Variants in SNAPC3 observed in about 807,000 individuals in gnomAD.
SNAPC3 encodes the protein snRNA-activating protein complex subunit 3.
In SNAPC3, 56 loss-of-function variants were observed where a neutral mutation model predicts 47.7. That is an observed-to-expected ratio of 1.18 (90% CI 0.95 to 1.47). SNAPC3 has a LOEUF of 1.47. Ranked by LOEUF, SNAPC3 falls within the 40% of genes most tolerant of loss-of-function variation. The pLI is 0.00. For synonymous variants in SNAPC3, 235 were observed against 189.9 expected (o/e 1.24, Z -1.95); for missense variants, 665 against 511.3 (o/e 1.30, Z -2.90).
At chr9:15,465,079 C>G (rs1223120713), downstream of SNAPC3, 1 of 227,502 alleles carries the variant, frequency 4.4e-6, no homozygotes, top group Non-Finnish European at 8.7e-6. Flanking sequence ...TGTGTAACTT[C>G]TACAAAACCC....
Position 15,461,018 on chromosome 9 carries a change from A to G in SNAPC3, c.*1152A>G, listed in dbSNP as rs757537737. The G allele has an allele frequency of 4.6e-5, 7 of 152,068 alleles. No homozygotes were observed. Among genetic ancestry groups the G allele is most frequent in the African/African-American group, 1.4e-4 (6 of 41,444 alleles). The allele number at this position is 152,068 out of a possible 1,614,324, so 9.4% of individuals were successfully genotyped here. ...TCACTTATTCTCCGGTAATGATACT[A>G]TTGGATATATACCAAAATTATATAA... On this transcript the variant is annotated 3_prime_UTR_variant, in exon 9 of 9. Coordinates refer to ENST00000380821, the MANE Select transcript of SNAPC3 (RefSeq NM_001039697.2).
intron 3 of SNAPC3, among the ~76,000 whole-genome samples, chr9:15,443,053 C>T (rs2033627644): frequency 6.6e-6 from 1 of 152,192 alleles, no homozygotes; most frequent in Admixed American, 6.5e-5. Flanking sequence ...CACCCGCAAT[C>T]CCAGGCACTC....
At chr9:15,466,531 C>G (rs2035638695), downstream of SNAPC3, among the ~76,000 whole-genome samples, 1 of 152,152 alleles carries the variant, frequency 6.6e-6, no homozygotes, top group Admixed American at 6.5e-5. Context: ...AACTGGGTTC[C>G]CAGCTAGTTC....
At chr9:15,432,204 A>G (rs1249155734) in intron 2 of SNAPC3, among the ~76,000 whole-genome samples, 1 of 152,202 alleles carries the variant, frequency 6.6e-6, no homozygotes, top group African/African-American at 2.4e-5. Flanking sequence ...GCTAAAATGA[A>G]TCCTGTGGTT....
At chr9:15,463,266 C>G (rs2035359585), downstream of SNAPC3, 1 of 125,096 alleles carries the variant, frequency 8.0e-6, no homozygotes, top group South Asian at 2.7e-4. Context: ...GCTCTGTCTC[C>G]CAGGCTGGAG....
intron 6 of SNAPC3, among the ~76,000 whole-genome samples, chr9:15,451,722 ATC>A (rs1178154799): frequency 3.9e-5 from 6 of 152,150 alleles, no homozygotes; most frequent in Non-Finnish European, 8.8e-5. Context: ...AAATAAATAA[ATC>A]ACCTTAACAT....
chr9:15,441,983 C>A (rs2033435531), intron 3 of SNAPC3, among the ~76,000 whole-genome samples: 1 of 151,690 alleles, frequency 6.6e-6, no homozygotes, highest in South Asian at 2.1e-4. Flanking sequence ...GGCAGAGGCG[C>A]CCCCCCACCT....
At chr9:15,432,357 C>T (rs949380818) in intron 2 of SNAPC3, among the ~76,000 whole-genome samples, 14 of 152,078 alleles carry the variant, frequency 9.2e-5, no homozygotes, top group Non-Finnish European at 1.5e-5. Context: ...GGCCTAGAAG[C>T]AGTGACTCCA....
intron 2 of SNAPC3, among the ~76,000 whole-genome samples, chr9:15,425,465 A>C (rs1272310083): frequency 6.6e-6 from 1 of 152,152 alleles, no homozygotes; most frequent in Non-Finnish European, 1.5e-5. Context: ...TGATCTGCCC[A>C]ACTCGTTCTC....
Position 15,447,424 on chromosome 9 carries a change from CTG to C in SNAPC3, c.732+182_732+183del, listed in dbSNP as rs529974186. Among the ~76,000 whole-genome samples, 212 of 152,276 alleles carry C rather than the reference CTG, an allele frequency of 1.4e-3. 1 individual carries two copies. The highest frequency in any genetic ancestry group is 4.8e-3 in the African/African-American group (200 of 41,554). On this transcript the variant is annotated intron_variant, in intron 5 of 8. Transcript: ENST00000380821. ...ACTTTTCCAAAGAAGAGGCTAGACT[CTG>C]TTTTGATTTCTTCATCTCTCATTTG...
chr9:15,446,999 G>A, intron 4 of SNAPC3, 96 bp from the exon 5 acceptor site: 1 of 1,058,574 alleles, frequency 9.4e-7, no homozygotes. Flanking sequence ...TTAAAATTAA[G>A]AAAACCAGCA....
intron 2 of SNAPC3, among the ~76,000 whole-genome samples, chr9:15,426,837 C>T (rs373698134): frequency 3.4e-4 from 52 of 152,126 alleles, no homozygotes; most frequent in African/African-American, 1.1e-3. Context: ...TAAATCAGTA[C>T]GGTATTCTTC....
chr9:15,439,595 C>A (rs1015863516), intron 3 of SNAPC3, among the ~76,000 whole-genome samples: 1 of 152,094 alleles, frequency 6.6e-6, no homozygotes, highest in Non-Finnish European at 1.5e-5. Flanking sequence ...AGTGCAGTGG[C>A]CCGATCTCGG....
chr9:15,437,605 C>A (rs115305893), intron 3 of SNAPC3, among the ~76,000 whole-genome samples: 1,616 of 147,382 alleles, frequency 0.011, 14 homozygotes, highest in African/African-American at 0.039. Context: ...CTGTGTCAGT[C>A]GAGGTAATGA....
chr9:15,459,843 G>A lies in SNAPC3; in HGVS notation c.1213G>A (p.Val405Ile), dbSNP rs1375371415. The change falls in exon 9 of 9, where the codon GTT (valine) becomes ATT (isoleucine). Residue 405 changes from valine to isoleucine, a missense_variant. By Grantham distance (29) the Val-to-Ile change is conservative (BLOSUM62 3). Coordinates refer to ENST00000380821, the MANE Select transcript of SNAPC3 (RefSeq NM_001039697.2). ...KLGEFLAYPYVDPGTFN is the reference protein window; with the variant it reads ...KLGEFLAYPYIDPGTFN ...GGGGGAATTCCTTGCTTATCCTTATGTTGATCCTGGAACCTTTAATTAAGA... is the reference window on the plus strand; with the variant it reads ...GGGGGAATTCCTTGCTTATCCTTATATTGATCCTGGAACCTTTAATTAAGA... The A allele has an allele frequency of 4.3e-6, 7 of 1,613,382 alleles. No individual in the cohort carries two copies. The highest frequency in any genetic ancestry group is 5.1e-6 in the Non-Finnish European group (6 of 1,179,736).
In SNAPC3 at chr9:15,461,156, A is replaced by G. The variant is rs1229559652; in HGVS notation, c.*1290A>G. On this transcript the variant is annotated 3_prime_UTR_variant, in exon 9 of 9. Coordinates refer to ENST00000380821, the MANE Select transcript of SNAPC3 (RefSeq NM_001039697.2). ...ATTCTGAGGAAAAAAAAAAAAACCAAAACTTTTTAAACTTATTTTTTGACA... is the reference window on the plus strand; with the variant it reads ...ATTCTGAGGAAAAAAAAAAAAACCAGAACTTTTTAAACTTATTTTTTGACA... 6.6e-6 allele frequency: 1 copy of G among 151,814 alleles called. No homozygotes were observed. Among genetic ancestry groups the G allele is most frequent in the Non-Finnish European group, 1.5e-5 (1 of 67,936 alleles). The allele number at this position is 151,814 out of a possible 1,614,324, so 9.4% of individuals were successfully genotyped here.
chr9:15,442,857 C>G (rs1284322844), intron 3 of SNAPC3, among the ~76,000 whole-genome samples: 1 of 152,180 alleles, frequency 6.6e-6, no homozygotes, highest in Non-Finnish European at 1.5e-5. Context: ...CGAGATCACG[C>G]CACTGCACTC....
At chr9:15,446,784 G>C (rs2033966654) in intron 4 of SNAPC3, among the ~76,000 whole-genome samples, 1 of 152,196 alleles carries the variant, frequency 6.6e-6, no homozygotes. Flanking sequence ...TGGTGGCAGA[G>C]GGGCTGTCCC....
At chr9:15,465,639 A>G, downstream of SNAPC3, 1 of 1,372,020 alleles carries the variant, frequency 7.3e-7, no homozygotes, top group East Asian at 2.3e-5. Flanking sequence ...TGAAGGAAAA[A>G]AAGACATTAA....
Sources: allele counts gnomAD v4.1 joint callset (sites outside exome capture counted in the v4.1 genomes callset), GRCh38; gene constraint gnomAD v4.1.1; transcripts MANE v1.5; gene names NCBI Gene and HGNC (gene_info 2026-07-23, HGNC 2026-07-21).